The following TMEFF2 variants were observed in gnomAD, a reference collection of about 807,000 sequenced individuals.
TMEFF2 encodes the protein transmembrane protein with EGF like and two follistatin like domains 2.
In TMEFF2, 28 loss-of-function variants were observed where a neutral mutation model predicts 53.8. The ratio of observed to expected loss-of-function variants is 0.52; its 90% CI spans 0.39 to 0.71. The LOEUF (loss-of-function observed/expected upper bound fraction) is 0.71, where lower values mean the gene tolerates loss of function less well. Among genes scored for constraint, TMEFF2 ranks in the 30% least tolerant of loss-of-function variants. TMEFF2 has a pLI of 0.00. For missense variants in TMEFF2, 353 were observed against 455.2 expected (o/e 0.78, Z 2.04); for synonymous variants, 162 against 166.3 (o/e 0.97, Z 0.20).
intron 8 of TMEFF2, 147 bp from the exon 9 acceptor site, chr2:191,953,984 T>G: frequency 3.3e-6 from 2 of 611,220 alleles, no homozygotes; most frequent in Non-Finnish European, 2.5e-6. Context: ...CGCCTCCGGG[T>G]TCACGCCATT....
At chr2:191,969,117 G>C (rs1156916167) in intron 7 of TMEFF2, among the ~76,000 whole-genome samples, 5 of 140,956 alleles carry the variant, frequency 3.5e-5, no homozygotes, top group Non-Finnish European at 6.1e-5. Flanking sequence ...ATGTATGTAT[G>C]TTTGTGTATG....
In TMEFF2 at chr2:192,003,985, G is replaced by T. The variant is rs547209495; in HGVS notation, c.537-4777C>A. Among the ~76,000 whole-genome samples, 10 of 151,208 alleles carry T rather than the reference G, an allele frequency of 6.6e-5. No homozygotes were observed. The East Asian group carries it at 1.9e-3, about 29-fold the overall frequency. The stretch of plus-strand genomic sequence containing the variant: ...CATTTACTGCATTGGTAATGCACCT[G>T]TTTACTTGTTTATACCTCTACTTTT... On this transcript the variant is annotated intron_variant, in intron 5 of 9. Coordinates refer to ENST00000272771, the MANE Select transcript of TMEFF2 (RefSeq NM_016192.4).
chr2:191,983,855 A>G (rs1477603958), intron 7 of TMEFF2, among the ~76,000 whole-genome samples: 2 of 152,240 alleles, frequency 1.3e-5, no homozygotes, highest in African/African-American at 2.4e-5. Context: ...TTCTGATTCA[A>G]ATCAATTCAA....
chr2:192,027,712 T>G (rs1014492893), intron 5 of TMEFF2, among the ~76,000 whole-genome samples: 1 of 152,212 alleles, frequency 6.6e-6, no homozygotes, highest in Non-Finnish European at 1.5e-5. Context: ...AGTCCTGAAC[T>G]TGGTTTAATG....
At chr2:192,153,471 C>A (rs1197586045) in intron 4 of TMEFF2, among the ~76,000 whole-genome samples, 2 of 151,842 alleles carry the variant, frequency 1.3e-5, no homozygotes, top group Non-Finnish European at 2.9e-5. Flanking sequence ...TGTGCAGATT[C>A]ACTGATGGCA....
intron 4 of TMEFF2, among the ~76,000 whole-genome samples, chr2:192,124,063 C>T (rs1292884867): frequency 6.6e-6 from 1 of 152,242 alleles, no homozygotes; most frequent in Non-Finnish European, 1.5e-5. Context: ...CTGCCAAGAA[C>T]TGATCAGCTG....
intron 7 of TMEFF2, among the ~76,000 whole-genome samples, chr2:191,986,988 C>G (rs1177922961): frequency 6.6e-6 from 1 of 152,022 alleles, no homozygotes; most frequent in African/African-American, 2.4e-5. Context: ...CAGGCCAACT[C>G]TGGACTCCAC....
At chr2:192,131,414 T>C (rs1015553436) in intron 4 of TMEFF2, among the ~76,000 whole-genome samples, 29 of 152,164 alleles carry the variant, frequency 1.9e-4, no homozygotes, top group Non-Finnish European at 4.0e-4. Context: ...GTCCCGCTTT[T>C]CTGGGGGAAG....
chr2:192,148,393 T>C (rs1463312988), intron 4 of TMEFF2, among the ~76,000 whole-genome samples: 3 of 152,002 alleles, frequency 2.0e-5, no homozygotes, highest in Non-Finnish European at 4.4e-5. Context: ...TGATCGACAG[T>C]CCATGGAGAA....
At chr2:191,981,073 T>G (rs4319886) in intron 7 of TMEFF2, among the ~76,000 whole-genome samples, 113,860 of 148,968 alleles carry the variant, frequency 0.76, 43,165 homozygotes, top group East Asian at 0.91. Flanking sequence ...TGCTGCCAGG[T>G]TTTTTTTTTT....
intron 4 of TMEFF2, among the ~76,000 whole-genome samples, chr2:192,075,437 G>A (rs1688411985): frequency 6.7e-6 from 1 of 149,696 alleles, no homozygotes; most frequent in South Asian, 2.1e-4. Flanking sequence ...GACAACATGG[G>A]ACCCTTGAGC....
At chr2:192,092,897 G>A (rs867254120) in intron 4 of TMEFF2, among the ~76,000 whole-genome samples, 1 of 152,096 alleles carries the variant, frequency 6.6e-6, no homozygotes, top group African/African-American at 2.4e-5. Flanking sequence ...CTTCCCACAC[G>A]TTAATACTCG....
intron 9 of TMEFF2, 88 bp from the exon 10 acceptor site, chr2:191,950,495 G>C: frequency 6.6e-7 from 1 of 1,515,698 alleles, no homozygotes; most frequent in Non-Finnish European, 9.2e-7. Flanking sequence ...TGTGGATTAA[G>C]CAAATTATTA....
At chr2:192,061,045 C>T (rs1482001646) in intron 4 of TMEFF2, among the ~76,000 whole-genome samples, 1 of 152,126 alleles carries the variant, frequency 6.6e-6, no homozygotes, top group Non-Finnish European at 1.5e-5. Flanking sequence ...TCTCAGATCT[C>T]TCTGCCCTGG....
intron 4 of TMEFF2, among the ~76,000 whole-genome samples, chr2:192,082,172 G>A (rs1332043306): frequency 6.6e-6 from 1 of 152,118 alleles, no homozygotes; most frequent in Non-Finnish European, 1.5e-5. Flanking sequence ...TTTATAAATA[G>A]ATTTTTTATA....
At chr2:192,117,718 C>G (rs1204317819) in intron 4 of TMEFF2, among the ~76,000 whole-genome samples, 1 of 151,988 alleles carries the variant, frequency 6.6e-6, no homozygotes, top group African/African-American at 2.4e-5. Context: ...TGGTTTCTAT[C>G]TCACAACCAA....
intron 5 of TMEFF2, among the ~76,000 whole-genome samples, chr2:192,039,623 T>C (rs1429522126): frequency 1.3e-5 from 2 of 152,184 alleles, no homozygotes; most frequent in Non-Finnish European, 2.9e-5. Flanking sequence ...GTCATCTAAT[T>C]TCCCAACTGT....
intron 5 of TMEFF2, among the ~76,000 whole-genome samples, chr2:192,047,672 C>A (rs182796489): frequency 3.9e-5 from 6 of 152,232 alleles, no homozygotes; most frequent in East Asian, 1.9e-4. Flanking sequence ...TATTCGTTTT[C>A]ATTATTTATT....
chr2:192,000,101 C>A (rs1686320413), intron 5 of TMEFF2, among the ~76,000 whole-genome samples: 1 of 151,978 alleles, frequency 6.6e-6, no homozygotes, highest in Non-Finnish European at 1.5e-5. Flanking sequence ...TTACACTTCT[C>A]TATTTTATTA....
Sources: allele counts gnomAD v4.1 joint callset (sites outside exome capture counted in the v4.1 genomes callset), GRCh38; gene constraint gnomAD v4.1.1; transcripts MANE v1.5; gene names NCBI Gene and HGNC (gene_info 2026-07-23, HGNC 2026-07-21).